TRAPPC2L: variants seen among roughly 807,000 people sequenced by gnomAD.
TRAPPC2L encodes the protein trafficking protein particle complex subunit 2L, also known as trafficking protein particle complex subunit 2-like protein.
Under a neutral mutation model 13.2 loss-of-function variants are expected in TRAPPC2L, and 17 were observed. That is an observed-to-expected ratio of 1.29 (90% CI 0.88 to 1.93). The LOEUF is 1.93. Ranked by LOEUF, TRAPPC2L falls within the 30% of genes most tolerant of loss-of-function variation. The probability of loss-of-function intolerance (pLI) is 0.00; values close to 1 mark genes in which losing one functional copy is unlikely to be tolerated. For missense variants in TRAPPC2L, 359 were observed against 252.1 expected, an observed-to-expected ratio of 1.42 and a Z score of -2.87; for synonymous variants, 150 against 98.1, an observed-to-expected ratio of 1.53 and a Z score of -3.12.
At chr16:88,860,413 C>T in exon 4 of TRAPPC2L, 1 of 607,340 alleles carries the variant, frequency 1.6e-6, no homozygotes, top group Non-Finnish European at 2.9e-6. Context: ...AACTTTTGAA[C>T]ATCATGAGGG....
chr16:88,856,335 G>A (rs941493643), upstream of TRAPPC2L: 24 of 702,458 alleles, frequency 3.4e-5, no homozygotes, highest in Non-Finnish European at 6.0e-5. Flanking sequence ...AGGGCGGCAG[G>A]AGCAGCCTCT....
chr16:88,857,146 C>G (rs1472047881), exon 1 of TRAPPC2L: 2 of 1,579,650 alleles, frequency 1.3e-6, no homozygotes, highest in Admixed American at 3.5e-5. Context: ...GCCGAGCCTC[C>G]CAAGATGGCG....
At chr16:88,859,729 T>G (rs1968241006) in exon 3 of TRAPPC2L, 1 of 1,613,922 alleles carries the variant, frequency 6.2e-7, no homozygotes, top group African/African-American at 1.3e-5. Context: ...ACACAGCCCT[T>G]CGAGACAACG....
At chr16:88,859,253 A>T in intron 2 of TRAPPC2L, 1 of 553,504 alleles carries the variant, frequency 1.8e-6, no homozygotes, top group East Asian at 4.4e-5. Context: ...TAGCCTGTCC[A>T]TGGTGACATT....
At chr16:88,857,216 G>C (rs778895347) in intron 1 of TRAPPC2L, 33 bp downstream of exon 1, 482 of 1,514,670 alleles carry the variant, frequency 3.2e-4, no homozygotes, top group Non-Finnish European at 4.0e-4. Context: ...GTCCGGGCTC[G>C]CACCATCCTC....
exon 4 of TRAPPC2L, chr16:88,862,448 T>A (rs756369824): frequency 3.3e-5 from 5 of 152,264 alleles, no homozygotes; most frequent in Non-Finnish European, 5.9e-5. Context: ...TTTGCCTTCT[T>A]CCTGCCTGGA....
At chr16:88,861,120 C>G (rs1352779201) in exon 4 of TRAPPC2L, 4 of 675,040 alleles carry the variant, frequency 5.9e-6, no homozygotes, top group South Asian at 5.4e-5. Flanking sequence ...GGAGATTTGG[C>G]TTTTTCCTTC....
chr16:88,861,600 T>C (rs975371924), exon 4 of TRAPPC2L: 1 of 480,450 alleles, frequency 2.1e-6, no homozygotes, highest in African/African-American at 2.0e-5. Context: ...TCCTGCCTGT[T>C]GGTGCTGAGG....
At chr16:88,856,292 G>A (rs1461860961), upstream of TRAPPC2L, 1 of 702,800 alleles carries the variant, frequency 1.4e-6, no homozygotes, top group Non-Finnish European at 2.6e-6. Flanking sequence ...CGAGGTGGCG[G>A]GAGTGATTCC....
At chr16:88,856,570 C>CCCCCCGGGGGGG, upstream of TRAPPC2L, 1 of 610,120 alleles carries the variant, frequency 1.6e-6, no homozygotes, top group Non-Finnish European at 3.0e-6. Context: ...TCCCCCTCCC[C>CCCCCCGGGGGGG]GCACGGGGAT....
exon 1 of TRAPPC2L, chr16:88,857,140 A>C (rs776611446): frequency 6.4e-7 from 1 of 1,574,464 alleles, no homozygotes; most frequent in South Asian, 1.1e-5. Context: ...CCTGGCGCCG[A>C]GCCTCCCAAG....
chr16:88,861,236 C>T (rs1968368283), exon 4 of TRAPPC2L: 4 of 484,260 alleles, frequency 8.3e-6, no homozygotes, highest in South Asian at 6.4e-5. Context: ...CTCAGTTGTC[C>T]CAAAGGGGCA....
intron 1 of TRAPPC2L, among the ~76,000 whole-genome samples, chr16:88,858,259 G>T (rs1256840293): frequency 6.6e-6 from 1 of 151,994 alleles, no homozygotes; most frequent in Non-Finnish European, 1.5e-5. Flanking sequence ...GCTGTATTTG[G>T]GTGAGCCATG....
At chr16:88,856,877 T>A (rs771531650), upstream of TRAPPC2L, 2 of 1,507,292 alleles carry the variant, frequency 1.3e-6, no homozygotes, top group South Asian at 2.5e-5. Context: ...ACCGCCGCCA[T>A]GGCAACCACG....
exon 3 of TRAPPC2L, chr16:88,859,721 A>C: frequency 6.2e-7 from 1 of 1,614,042 alleles, no homozygotes; most frequent in Non-Finnish European, 8.5e-7. Flanking sequence ...TTCCTCCAAC[A>C]CAGCCCTTCG....
chr16:88,859,156 C>G (rs952546361), intron 2 of TRAPPC2L: 3 of 437,428 alleles, frequency 6.9e-6, no homozygotes, highest in Non-Finnish European at 1.3e-5. Context: ...TAGGCCTTGC[C>G]TCTTATGTCA....
Position 88,860,016 on chromosome 16 carries a change from C to CA in TRAPPC2L, c.419dup (p.His140GlnfsTer16), listed in dbSNP as rs749180797. ...GTCTTGCCACCTTCTTTCTGTAGGA[C>CA]ATGCCTTGCCATTTTGGTTGCCAAA... is the stretch of plus-strand genomic sequence containing the variant. On this transcript the variant is annotated frameshift_variant, in exon 4 of 4. Transcript: ENST00000565504. LOFTEE classifies it low-confidence loss of function (END_TRUNC). 2.0e-6 allele frequency: 3 copies of CA among 1,472,262 alleles called. No homozygotes were observed. The African/African-American group carries it at 8.4e-5, about 41-fold the overall frequency. 91.2% of individuals were successfully genotyped at this position (1,472,262 alleles called of 1,614,324 possible). A position where few individuals can be genotyped will look rare whatever the true frequency, so the allele number is the denominator to read the frequency against.
At chr16:88,856,919 C>G (rs1433642862), upstream of TRAPPC2L, 20 of 1,486,070 alleles carry the variant, frequency 1.3e-5, no homozygotes, top group South Asian at 2.5e-5. Context: ...GCGAGCCGAC[C>G]TAGCGAGCGT....
At position 88,859,488 on chromosome 16, in the gene TRAPPC2L, A is replaced by C. The variant is rs934802624; in HGVS notation, c.207-175A>C. 4 of 728,380 alleles carry C rather than the reference A, an allele frequency of 5.5e-6. No homozygotes were observed. In the African/African-American group the frequency reaches 6.9e-5, roughly 13 times the overall value. 45.1% of individuals were successfully genotyped at this position (728,380 alleles called of 1,614,324 possible). ...TCTTCGCTTCTCCTGCAAACACCAG[A>C]CGTCGCCCTAGCAAAGTATTTAGGC... On this transcript the variant is annotated intron_variant, in intron 2 of 3. Coordinates refer to ENST00000565504, the Ensembl canonical transcript of TRAPPC2L.
Sources: allele counts gnomAD v4.1 joint callset (sites outside exome capture counted in the v4.1 genomes callset), GRCh38; gene constraint gnomAD v4.1.1; transcripts MANE v1.5; gene names NCBI Gene and HGNC (gene_info 2026-07-23, HGNC 2026-07-21).